Variants in USP34 observed in about 807,000 individuals in gnomAD.
USP34 encodes ubiquitin carboxyl-terminal hydrolase 34.
Under a neutral mutation model 460.3 loss-of-function variants are expected in USP34, and 70 were observed. That is an observed-to-expected ratio of 0.15 (90% confidence interval 0.13 to 0.19). The LOEUF (loss-of-function observed/expected upper bound fraction) is 0.19. Ranked by LOEUF, USP34 falls within the 10% of genes least tolerant of loss-of-function variation. The probability of loss-of-function intolerance (pLI) is 1.00; values close to 1 mark genes in which losing one functional copy is unlikely to be tolerated. For missense variants in USP34, 3,985 were observed against 4,236.2 expected (o/e 0.94, Z 1.65); for synonymous variants, 1,647 against 1,405.3 (o/e 1.17, Z -3.85).
intron 1 of USP34, among the ~76,000 whole-genome samples, chr2:61,470,189 G>A (rs1695905634): frequency 6.6e-6 from 1 of 152,154 alleles, no homozygotes; most frequent in South Asian, 2.1e-4. Context: ...CTGCTCCCGG[G>A]AGTTTAATGA....
At chr2:61,245,328 A>G (rs747166583) in intron 50 of USP34, 40 bp from the exon 51 acceptor site, 2 of 1,182,254 alleles carry the variant, frequency 1.7e-6, no homozygotes, top group East Asian at 2.5e-5. Flanking sequence ...TATGCATATA[A>G]TGAGTATCTT....
intron 10 of USP34, among the ~76,000 whole-genome samples, chr2:61,359,169 CAAAAAGAAA>C (rs1383456553): frequency 6.7e-6 from 1 of 149,764 alleles, no homozygotes; most frequent in South Asian, 2.1e-4. Context: ...TTGAAACTTG[CAAAAAGAAA>C]AAAAAGAAAA....
chr2:61,227,287 G>T, intron 61 of USP34, 69 bp from the exon 62 acceptor site: 1 of 1,517,518 alleles, frequency 6.6e-7, no homozygotes, highest in Non-Finnish European at 8.9e-7. Flanking sequence ...CAAATGACTT[G>T]TTTTATGTAA....
chr2:61,216,328 C>T (rs930793955), intron 67 of USP34, among the ~76,000 whole-genome samples: 14 of 152,136 alleles, frequency 9.2e-5, no homozygotes, highest in South Asian at 6.2e-4. Context: ...CGGCTGGGTG[C>T]GGTGGCTCAT....
At chr2:61,206,688 C>G in intron 71 of USP34, 72 bp downstream of exon 71, 1 of 1,552,474 alleles carries the variant, frequency 6.4e-7, no homozygotes, top group Non-Finnish European at 8.7e-7. Flanking sequence ...TTCTCTGGGG[C>G]ACATGATTTT....
chr2:61,296,733 T>C, intron 30 of USP34, 67 bp downstream of exon 30: 2 of 1,520,208 alleles, frequency 1.3e-6, no homozygotes, highest in Non-Finnish European at 1.8e-6. Context: ...GGCAATCTTC[T>C]ACACTGTCAA....
chr2:61,229,469 AAAAAAACAAAAAAAAAAAAC>A, intron 59 of USP34, 59 bp downstream of exon 59: 7 of 654,900 alleles, frequency 1.1e-5, no homozygotes, highest in Admixed American at 4.6e-5. Flanking sequence ...AAAAAAAAAA[AAAAAAACAAAAAAAAAAAAC>A]AAAAACACCA....
intron 1 of USP34, among the ~76,000 whole-genome samples, chr2:61,422,037 CACCCAAG>C (rs1694377289): frequency 6.6e-6 from 1 of 152,210 alleles, no homozygotes; most frequent in African/African-American, 2.4e-5. Context: ...GTAACACCTA[CACCCAAG>C]ACCAGGCTTT....
At chr2:61,210,399 T>C (rs1324831313) in intron 69 of USP34, among the ~76,000 whole-genome samples, 1 of 152,230 alleles carries the variant, frequency 6.6e-6, no homozygotes, top group Non-Finnish European at 1.5e-5. Context: ...GTATTCAGTG[T>C]AGTAACATGC....
At chr2:61,196,500 T>C (rs1686813660) in intron 75 of USP34, among the ~76,000 whole-genome samples, 1 of 152,002 alleles carries the variant, frequency 6.6e-6, no homozygotes, top group Admixed American at 6.6e-5. Context: ...GCTAGGATTA[T>C]GGGCATGAGC....
At chr2:61,424,407 G>T (rs1694449699) in intron 1 of USP34, among the ~76,000 whole-genome samples, 1 of 152,178 alleles carries the variant, frequency 6.6e-6, no homozygotes, top group Admixed American at 6.5e-5. Flanking sequence ...CTCGGTGCAT[G>T]ACTGTACTTG....
intron 41 of USP34, 112 bp downstream of exon 41, chr2:61,278,053 C>A: frequency 2.3e-6 from 3 of 1,296,184 alleles, no homozygotes; most frequent in Non-Finnish European, 3.1e-6. Flanking sequence ...TTGTAAACTG[C>A]CCAGTCTCGG....
chr2:61,342,178 A>G (rs1292192315), intron 16 of USP34, among the ~76,000 whole-genome samples: 1 of 151,836 alleles, frequency 6.6e-6, no homozygotes, highest in Non-Finnish European at 1.5e-5. Flanking sequence ...TCAATCCTTG[A>G]TAGTATCAGT....
intron 1 of USP34, among the ~76,000 whole-genome samples, chr2:61,425,676 G>C (rs896905558): frequency 6.6e-6 from 1 of 152,118 alleles, no homozygotes; most frequent in African/African-American, 2.4e-5. Flanking sequence ...TTGGCAGTCT[G>C]AGCCGTAAGG....
At position 61,206,874 on chromosome 2, in the gene USP34, A is replaced by C; in HGVS notation, c.8932T>G (p.Leu2978Val). The C allele has an allele frequency of 6.2e-7, 1 of 1,604,312 alleles. No homozygotes were observed. The highest frequency in any genetic ancestry group is 8.5e-7 in the Non-Finnish European group (1 of 1,177,600). ...GTAGCTTCGTGATACATCATGTGCA[A>C]AGTGTTGAAAGACTACAAATGATTT... Reference protein sequence around the residue: ...LILMTESFNTLHMMYHEATAC... With the variant: ...LILMTESFNTVHMMYHEATAC... Residue 2978 changes from leucine to valine, a missense_variant, in exon 71 of 80, where the codon TTG (leucine) becomes GTG (valine). This residue lies in a region of USP34 where 275 missense variants were observed against 292.7 expected (regional missense o/e 0.94). Transcript: ENST00000398571.
intron 27 of USP34, among the ~76,000 whole-genome samples, chr2:61,305,101 C>T (rs1296626924): frequency 6.6e-6 from 1 of 151,858 alleles, no homozygotes; most frequent in Admixed American, 6.6e-5. Flanking sequence ...CGAGGTGGGC[C>T]GATCATGAGG....
intron 1 of USP34, 137 bp from the exon 2 acceptor site, chr2:61,420,970 A>G (rs1694337063): frequency 1.7e-6 from 1 of 596,462 alleles, no homozygotes; most frequent in Non-Finnish European, 2.7e-6. Flanking sequence ...AAATAAGTCT[A>G]CTTTTAATTA....
chr2:61,262,935 T>G (rs1405811214), intron 43 of USP34, among the ~76,000 whole-genome samples: 1 of 152,188 alleles, frequency 6.6e-6, no homozygotes, highest in Admixed American at 6.5e-5. Context: ...TAATGATGAG[T>G]AATACTGAGC....
In USP34 at chr2:61,293,527, T is replaced by C. The variant is rs1425033736; in HGVS notation, c.4485A>G (p.Gln1495=). The C allele has an allele frequency of 3.7e-6, 6 of 1,612,752 alleles. No individual in the cohort carries two copies. Among genetic ancestry groups the C allele is most frequent in the South Asian group, 2.2e-5 (2 of 90,940 alleles). ...CAGAATTAAAAATTTCTAATAACTG[T>C]TGAAGCCCTCCAGCAGCAACAAACT... ...SCKFVAAGGL[Q]QLLEIFNSGI... is the part of the protein sequence containing the mutation. Residue 1495 remains glutamine (Q), a synonymous_variant, in exon 33 of 80, where the codon CAA becomes CAG. Transcript: ENST00000398571.
Sources: gnomAD v4.1 joint callset for allele counts (sites outside exome capture counted in the v4.1 genomes callset) on GRCh38, gnomAD v4.1.1 for gene constraint, gnomAD v4.1.1 regional missense constraint, MANE v1.5 for transcripts, NCBI Gene and HGNC (gene_info 2026-07-23, HGNC 2026-07-21) for gene names.